Variants in BOK observed in about 807,000 individuals in gnomAD.
BOK encodes the protein bcl-2-related ovarian killer protein.
Under a neutral mutation model 18.3 loss-of-function variants are expected in BOK, and 20 were observed. That is an observed-to-expected ratio of 1.09 (90% CI 0.77 to 1.59). The LOEUF (loss-of-function observed/expected upper bound fraction) is 1.59, where lower values mean the gene tolerates loss of function less well. BOK is among the 40% of genes most tolerant of loss of function. The pLI is 0.00. For missense variants in BOK, 348 were observed against 307.9 expected (o/e 1.13, Z -0.97); for synonymous variants, 173 against 142.4 (o/e 1.21, Z -1.53).
Position 241,562,309 on chromosome 2 carries a change from G to T in BOK, c.221-39G>T. On this transcript the variant is annotated intron_variant, in intron 2 of 4. Coordinates refer to ENST00000318407, the MANE Select transcript of BOK (RefSeq NM_032515.5). The surrounding 1 kb of genome is among the most constrained non-coding windows in gnomAD (Gnocchi z 4.5). ...AGCCAGTCGTGTCCCAGGAAGCTGGGACGTGGGCTGCCTCTCACCTGCTCT... is the reference window on the plus strand; with the variant it reads ...AGCCAGTCGTGTCCCAGGAAGCTGGTACGTGGGCTGCCTCTCACCTGCTCT... The T allele has an allele frequency of 6.4e-7, 1 of 1,555,764 alleles. No homozygotes were observed. Among genetic ancestry groups the T allele is most frequent in the Non-Finnish European group, 8.7e-7 (1 of 1,150,552 alleles).
chr2:241,556,412 CT>C (rs1204332594), upstream of BOK, among the ~76,000 whole-genome samples: 1 of 151,936 alleles, frequency 6.6e-6, no homozygotes, highest in Non-Finnish European at 1.5e-5. Context: ...GTGAAACCCC[CT>C]CTCTACCAAA....
At chr2:241,561,848 T>A (rs919751488) in intron 2 of BOK, among the ~76,000 whole-genome samples, 5 of 152,202 alleles carry the variant, frequency 3.3e-5, no homozygotes, top group Non-Finnish European at 7.4e-5. Flanking sequence ...TGAGCCGGGC[T>A]CTCGGGCTGT....
Position 241,558,981 on chromosome 2 carries a change from T to TGCGGCGGGAGAGGTGAGC in BOK, c.-33_-30+14dup, listed in dbSNP as rs1198545351. 7.3e-5 allele frequency: 11 copies of TGCGGCGGGAGAGGTGAGC among 151,044 alleles called. No homozygotes were observed. Among genetic ancestry groups the TGCGGCGGGAGAGGTGAGC allele is most frequent in the East Asian group, 2.0e-4 (1 of 5,056 alleles). The allele number at this position is 151,044 out of a possible 1,614,324, so 9.4% of individuals were successfully genotyped here. ...GAACTCCACCCCGGCGCCCGCGCCATGCGGCGGGAGAGGTGAGCGCGGCGG... is the reference window on the plus strand; with the variant it reads ...GAACTCCACCCCGGCGCCCGCGCCATGCGGCGGGAGAGGTGAGCGCGGCGGGAGAGGTGAGCGCGGCGG... On this transcript the variant is annotated 5_prime_UTR_variant, in exon 1 of 5. It introduces an in-frame stop codon into an upstream open reading frame of the 5' UTR. Coordinates refer to ENST00000318407, the MANE Select transcript of BOK (RefSeq NM_032515.5).
chr2:241,562,467 T>A lies in BOK; in HGVS notation c.340T>A (p.Phe114Ile), dbSNP rs770172774. ...DAFLAVAGHIFSAGITWGKVV... is the reference protein window; with the variant it reads ...DAFLAVAGHIISAGITWGKVV... ...GTTCCTGGCCGTGGCTGGCCACATC[T>A]TCTCTGCAGGTATGCCCAGCCTGCC... The change falls in exon 3 of 5, where the codon TTC (phenylalanine) becomes ATC (isoleucine). Residue 114 changes from phenylalanine (F) to isoleucine (I), a missense_variant. Coordinates refer to ENST00000318407, the MANE Select transcript of BOK (RefSeq NM_032515.5). The surrounding 1 kb of genome is among the most constrained non-coding windows in gnomAD (Gnocchi z 4.5). 4 of 1,610,468 alleles carry A rather than the reference T, an allele frequency of 2.5e-6. No homozygotes were observed. Among genetic ancestry groups the A allele is most frequent in the Non-Finnish European group, 3.4e-6 (4 of 1,179,170 alleles).
chr2:241,569,644 T>G (rs1465730398), intron 3 of BOK, among the ~76,000 whole-genome samples: 1 of 152,118 alleles, frequency 6.6e-6, no homozygotes, highest in East Asian at 1.9e-4. Flanking sequence ...CTGCCTTTTA[T>G]TCTTTCCCCC....
chr2:241,555,462 G>A (rs1013224462), upstream of BOK, among the ~76,000 whole-genome samples: 2 of 151,226 alleles, frequency 1.3e-5, no homozygotes, highest in African/African-American at 2.4e-5. Context: ...CGCAACCTCC[G>A]ACTCCTGGGT....
intron 2 of BOK, chr2:241,560,180 G>A: frequency 1.0e-6 from 1 of 985,490 alleles, no homozygotes; most frequent in Non-Finnish European, 1.2e-6. Flanking sequence ...CAAAACCTCA[G>A]TATTCGTTGG....
chr2:241,553,859 C>T (rs74452814), upstream of BOK, among the ~76,000 whole-genome samples: 1,576 of 152,288 alleles, frequency 0.01, 50 homozygotes, highest in Admixed American at 0.069. Flanking sequence ...CAAGGGGTAC[C>T]CCTCAGTGAG....
upstream of BOK, among the ~76,000 whole-genome samples, chr2:241,554,886 C>T (rs1436988843): frequency 1.3e-5 from 2 of 152,216 alleles, no homozygotes; most frequent in Non-Finnish European, 2.9e-5. Flanking sequence ...AGCCCACTCA[C>T]CAACCAGGGA....
chr2:241,556,998 C>A (rs925328248), upstream of BOK, among the ~76,000 whole-genome samples: 1 of 152,200 alleles, frequency 6.6e-6, no homozygotes, highest in Non-Finnish European at 1.5e-5. Flanking sequence ...TTCAAATGCA[C>A]TGTCAAAAAG....
chr2:241,565,268 A>T (rs1408401903), intron 3 of BOK, among the ~76,000 whole-genome samples: 4 of 141,506 alleles, frequency 2.8e-5, no homozygotes, highest in African/African-American at 1.1e-4. Flanking sequence ...ACCTGCTGCT[A>T]CTCTGAGGCG....
In BOK at chr2:241,571,267, C is replaced by T. The variant is rs572791085; in HGVS notation, c.513+979C>T. Among the ~76,000 whole-genome samples, 158 of 147,898 alleles carry T rather than the reference C, an allele frequency of 1.1e-3. 1 individual carries two copies. The highest frequency in any genetic ancestry group is 2.1e-3 in the Non-Finnish European group (134 of 65,228). ...GGGTGGGTGTCAGAGCCAAACCCTT[C>T]CTCTGTCTCCACGCCCCCAACTTCC... On this transcript the variant is annotated intron_variant, in intron 4 of 4. Transcript: ENST00000318407.
At position 241,552,972 on chromosome 2, in the gene BOK, C is replaced by T. The variant is rs148181969; in HGVS notation, n.54+1495C>T. On this transcript the variant is annotated intron_variant and non_coding_transcript_variant, in intron 1 of 1. Coordinates refer to the BOK transcript ENST00000641230. ...CCACACAACCCTCTGCCTGGTTTTG[C>T]AAAAAAAGGACCATCTGAAGGCCAC... Among the ~76,000 whole-genome samples, 20 of 152,104 alleles carry T rather than the reference C, an allele frequency of 1.3e-4. No individual in the cohort carries two copies. The East Asian group carries it at 3.9e-3, about 29-fold the overall frequency.
chr2:241,559,678 G>C lies in BOK; in HGVS notation c.195G>C (p.Glu65Asp). The change falls in exon 2 of 5, where the codon GAG (glutamate) becomes GAC (aspartate). Residue 65 changes from glutamate to aspartate, a missense_variant. Coordinates refer to ENST00000318407, the MANE Select transcript of BOK (RefSeq NM_032515.5). Reference protein sequence around the residue: ...RAAPVPGRLAEVCAVLLRLGD... With the variant: ...RAAPVPGRLADVCAVLLRLGD... Reference sequence around the variant, plus strand: ...CGCCGGTCCCGGGACGCCTGGCTGAGGTGTGCGCGGTGCTGCTGCGCCTGG... The same window carrying C: ...CGCCGGTCCCGGGACGCCTGGCTGACGTGTGCGCGGTGCTGCTGCGCCTGG... 1 of 1,356,104 alleles carries C rather than the reference G, an allele frequency of 7.4e-7. No individual in the cohort carries two copies. 84.0% of individuals were successfully genotyped at this position (1,356,104 alleles called of 1,614,324 possible). A position where few individuals can be genotyped will look rare whatever the true frequency, so the allele number is the denominator to read the frequency against.
chr2:241,552,707 C>T (rs1168886516), intron 1 of BOK, among the ~76,000 whole-genome samples: 1 of 152,190 alleles, frequency 6.6e-6, no homozygotes, highest in Non-Finnish European at 1.5e-5. Flanking sequence ...ACGCTGACAC[C>T]CATGACAAGC....
At position 241,573,972 on chromosome 2, in the gene BOK, C is replaced by G. The variant is rs1472107154; in HGVS notation, c.*1550C>G. The G allele has an allele frequency of 6.6e-6, 1 of 152,298 alleles. No individual in the cohort carries two copies. The highest frequency in any genetic ancestry group is 6.5e-5 in the Admixed American group (1 of 15,292). 9.4% of individuals were successfully genotyped at this position (152,298 alleles called of 1,614,324 possible). ...CTGGGGAGGCCTGGCCTAGCAGCCACCCACCTGAGCCCTCCCGGCCAGGCT... is the reference window on the plus strand; with the variant it reads ...CTGGGGAGGCCTGGCCTAGCAGCCAGCCACCTGAGCCCTCCCGGCCAGGCT... On this transcript the variant is annotated 3_prime_UTR_variant, in exon 5 of 5. Coordinates refer to ENST00000318407, the MANE Select transcript of BOK (RefSeq NM_032515.5).
At chr2:241,553,444 A>G (rs2066428469) in intron 1 of BOK, among the ~76,000 whole-genome samples, 1 of 152,156 alleles carries the variant, frequency 6.6e-6, no homozygotes, top group Admixed American at 6.6e-5. Context: ...GAGCCACCGC[A>G]TCCAGCCGAG....
In BOK at chr2:241,559,711, C is replaced by T; in HGVS notation, c.220+8C>T. The stretch of plus-strand genomic sequence containing the variant: ...CGGTGCTGCTGCGCCTGGGTGAGTG[C>T]GCCCTGGTGGGATCCCCAGCTGCGC... On this transcript the variant is annotated splice_region_variant and intron_variant, in intron 2 of 4. Transcript: ENST00000318407. The T allele has an allele frequency of 7.7e-7, 1 of 1,301,490 alleles. No individual in the cohort carries two copies. The highest frequency in any genetic ancestry group is 1.5e-5 in the African/African-American group (1 of 64,734). The allele number at this position is 1,301,490 out of a possible 1,614,324, so 80.6% of individuals were successfully genotyped here.
chr2:241,560,046 T>A (rs2066503434), intron 2 of BOK: 24 of 983,436 alleles, frequency 2.4e-5, no homozygotes, highest in Non-Finnish European at 2.8e-5. Flanking sequence ...GGAGCACGTG[T>A]CCCGATGTTT....
Sources: gnomAD v4.1 joint callset for allele counts (sites outside exome capture counted in the v4.1 genomes callset) on GRCh38, gnomAD v4.1.1 for gene constraint, Gnocchi (gnomAD v3.1) non-coding constraint, MANE v1.5 for transcripts, NCBI Gene and HGNC (gene_info 2026-07-23, HGNC 2026-07-21) for gene names.